The following MNS1 variants were observed in gnomAD, a reference collection of about 807,000 sequenced individuals.
The protein encoded by MNS1 is meiosis specific nuclear structural 1.
A neutral mutation model predicts 72.0 loss-of-function variants in MNS1; 63 were observed. The ratio of observed to expected loss-of-function variants is 0.87; its 90% CI spans 0.71 to 1.08. The LOEUF is 1.08. MNS1 is among the 50% of genes least tolerant of loss of function. The pLI, the probability that MNS1 is intolerant of heterozygous loss-of-function variation, is 0.00. For synonymous variants in MNS1, 188 were observed against 172.1 expected (o/e 1.09, Z -0.72); for missense variants, 604 against 562.4 (o/e 1.07, Z -0.75).
At chr15:56,464,308 T>G in intron 1 of MNS1, 61 bp from the exon 2 acceptor site, 1 of 1,204,130 alleles carries the variant, frequency 8.3e-7, no homozygotes, top group Non-Finnish European at 1.2e-6. Context: ...TTTTAAAAAA[T>G]GTATTGATAT....
rs1446588207 is a variant in MNS1, at chr15:56,434,159, G to T, written c.1248C>A (p.Arg416=). The change falls in exon 8 of 10, where the codon CGC becomes CGA. Residue 416 remains arginine, a synonymous_variant. Transcript: ENST00000260453. ...RAVEKLIEER[R]QQFLADKQRE... is the part of the protein sequence containing the mutation. The stretch of plus-strand genomic sequence containing the variant: ...TTACTTTGTCTGCAAGGAATTGTTG[G>T]CGACGCTCTTCAATAAGTTTTTCCA... 2 of 1,612,048 alleles carry T rather than the reference G, an allele frequency of 1.2e-6. No individual in the cohort carries two copies. Among genetic ancestry groups the T allele is most frequent in the East Asian group, 4.5e-5 (2 of 44,728 alleles).
At chr15:56,438,764 C>T (rs1332124030) in intron 7 of MNS1, among the ~76,000 whole-genome samples, 1 of 151,982 alleles carries the variant, frequency 6.6e-6, no homozygotes, top group African/African-American at 2.4e-5. Flanking sequence ...GGGGTAATAT[C>T]CAGAATCTAA....
intron 1 of MNS1, 113 bp from the exon 2 acceptor site, chr15:56,464,360 C>A: frequency 1.3e-6 from 1 of 778,370 alleles, no homozygotes; most frequent in Non-Finnish European, 2.1e-6. Context: ...GGCTTCCTTC[C>A]TAAATTCAAA....
chr15:56,441,358 T>C (rs2050811121), intron 7 of MNS1, among the ~76,000 whole-genome samples: 1 of 152,194 alleles, frequency 6.6e-6, no homozygotes, highest in Non-Finnish European at 1.5e-5. Flanking sequence ...TGTGTTCTGC[T>C]GTTGTTGGGT....
intron 7 of MNS1, among the ~76,000 whole-genome samples, chr15:56,436,719 TAACA>T (rs1208993148): frequency 6.6e-6 from 1 of 151,680 alleles, no homozygotes; most frequent in East Asian, 1.9e-4. Flanking sequence ...GCAAGACTCA[TAACA>T]AAGAAAAGAG....
chr15:56,443,632 T>C lies in MNS1; in HGVS notation c.903+6A>G, dbSNP rs371101540. 44 of 1,609,676 alleles carry C rather than the reference T, an allele frequency of 2.7e-5. No individual in the cohort carries two copies. Among genetic ancestry groups the C allele is most frequent in the Non-Finnish European group, 3.3e-5 (39 of 1,178,316 alleles). On this transcript the variant is annotated splice_donor_region_variant and intron_variant, in intron 6 of 9. Transcript: ENST00000260453. ...ACTAGTGTTAAAGAAGTGGTTATTT[T>C]AATACCGCATTCTGAAGCTGTAGCC...
intron 7 of MNS1, among the ~76,000 whole-genome samples, chr15:56,441,744 G>C (rs1169691197): frequency 6.6e-6 from 1 of 152,180 alleles, no homozygotes; most frequent in African/African-American, 2.4e-5. Context: ...GCCAGGCACG[G>C]TGGCTCACAC....
chr15:56,458,692 C>A (rs865903097), intron 2 of MNS1, among the ~76,000 whole-genome samples: 1 of 152,106 alleles, frequency 6.6e-6, no homozygotes, highest in Admixed American at 6.6e-5. Flanking sequence ...GTCACATAGT[C>A]GGAATTATAC....
Position 56,429,109 on chromosome 15 carries a change from C to T in MNS1, c.1480G>A (p.Glu494Lys). The change falls in exon 10 of 10, where the codon GAG becomes AAG. Residue 494 changes from glutamate to lysine, a missense_variant. Coordinates refer to ENST00000260453, the MANE Select transcript of MNS1 (RefSeq NM_018365.4). ...ACCCAATTTTGATGATATCATTTCT[C>T]TTCACAAATTTCACTCCTTTGTTGA... The part of the protein sequence containing the change: ...VYQQRSEICE[E>K]K 1 of 1,586,450 alleles carries T rather than the reference C, an allele frequency of 6.3e-7. No individual in the cohort carries two copies. Among genetic ancestry groups the T allele is most frequent in the Non-Finnish European group, 8.6e-7 (1 of 1,164,180 alleles).
intron 7 of MNS1, among the ~76,000 whole-genome samples, chr15:56,440,342 C>T (rs74529162): frequency 6.6e-6 from 1 of 152,184 alleles, no homozygotes; most frequent in African/African-American, 2.4e-5. Context: ...TGCAGACAGA[C>T]TGCGTAACTC....
Position 56,428,893 on chromosome 15 carries a change from G to A in MNS1, c.*208C>T, listed in dbSNP as rs1473614347. 7 of 498,140 alleles carry A rather than the reference G, an allele frequency of 1.4e-5. No homozygotes were observed. Among genetic ancestry groups the A allele is most frequent in the Admixed American group, 8.0e-5 (2 of 25,010 alleles). The allele number at this position is 498,140 out of a possible 1,614,324, so 30.9% of individuals were successfully genotyped here. ...AGTGCTCTGTAGTGTTGTAGAAATC[G>A]GATTTTGAAATTATCAGTACAAAAA... On this transcript the variant is annotated 3_prime_UTR_variant, in exon 10 of 10. Transcript: ENST00000260453.
intron 7 of MNS1, among the ~76,000 whole-genome samples, chr15:56,438,667 T>C (rs2050769087): frequency 6.6e-6 from 1 of 152,034 alleles, no homozygotes; most frequent in Admixed American, 6.5e-5. Flanking sequence ...ACTAAAGAGC[T>C]TCCGCACAGC....
chr15:56,447,575 A>G (rs1176852248), intron 3 of MNS1: 1 of 152,110 alleles, frequency 6.6e-6, no homozygotes, highest in Middle Eastern at 3.2e-3. Context: ...ATTGTTGATA[A>G]TTTACAGAAA....
At chr15:56,461,778 C>CT (rs1326487850) in intron 2 of MNS1, among the ~76,000 whole-genome samples, 1 of 150,098 alleles carries the variant, frequency 6.7e-6, no homozygotes, top group African/African-American at 2.4e-5. Context: ...ACATAAATAT[C>CT]TATGAGTCCA....
chr15:56,443,773 T>C lies in MNS1; in HGVS notation c.768A>G (p.Arg256=), dbSNP rs1313098876. The C allele has an allele frequency of 1.2e-6, 2 of 1,613,210 alleles. No homozygotes were observed. The highest frequency in any genetic ancestry group is 2.2e-5 in the South Asian group (2 of 90,956). Reference sequence around the variant, plus strand: ...CTTCCATCTCCTCACGTTTCTTTTTTCTCCAGAGAGCCTGCTCTTTCTGAA... The same window carrying C: ...CTTCCATCTCCTCACGTTTCTTTTTCCTCCAGAGAGCCTGCTCTTTCTGAA... ...EEFQKEQALW[R]KKKREEMEEE... is the part of the protein sequence containing the mutation. Residue 256 remains arginine, a synonymous_variant, in exon 6 of 10, where the codon AGA becomes AGG. Coordinates refer to ENST00000260453, the MANE Select transcript of MNS1 (RefSeq NM_018365.4).
chr15:56,456,029 C>T (rs1209573914), intron 3 of MNS1, among the ~76,000 whole-genome samples: 1 of 152,042 alleles, frequency 6.6e-6, no homozygotes, highest in South Asian at 2.1e-4. Flanking sequence ...AACACAGGCT[C>T]CACAGTCATT....
chr15:56,437,369 T>C (rs2050744791), intron 7 of MNS1, among the ~76,000 whole-genome samples: 1 of 152,178 alleles, frequency 6.6e-6, no homozygotes, highest in East Asian at 1.9e-4. Context: ...AAAAAACACA[T>C]GATTATCTCA....
intron 2 of MNS1, among the ~76,000 whole-genome samples, chr15:56,456,927 T>A (rs1182699271): frequency 1.3e-5 from 2 of 152,184 alleles, no homozygotes; most frequent in Non-Finnish European, 2.9e-5. Context: ...TCAGAATTTT[T>A]AAAAATATAA....
At chr15:56,434,500 C>A (rs2140330756) in intron 7 of MNS1, 105 bp from the exon 8 acceptor site, 1 of 1,210,096 alleles carries the variant, frequency 8.3e-7, no homozygotes, top group Non-Finnish European at 1.1e-6. Flanking sequence ...AATATGAAAT[C>A]ATACAAACTG....
Sources: allele counts gnomAD v4.1 joint callset (sites outside exome capture counted in the v4.1 genomes callset), GRCh38; gene constraint gnomAD v4.1.1; transcripts MANE v1.5; gene names NCBI Gene and HGNC (gene_info 2026-07-23, HGNC 2026-07-21).